The following HDAC9 variants were observed in gnomAD, a reference collection of about 807,000 sequenced individuals.
HDAC9 encodes MEF-2 interacting transcription repressor (MITR) protein.
HDAC9 carries 41 observed loss-of-function variants against 139.4 expected under a neutral mutation model. That is an observed-to-expected ratio of 0.29 (90% CI 0.23 to 0.38). The LOEUF (loss-of-function observed/expected upper bound fraction) is 0.38, where lower values mean the gene tolerates loss of function less well. HDAC9 is among the 10% of genes least tolerant of loss of function. The pLI, the probability that HDAC9 is intolerant of heterozygous loss-of-function variation, is 1.00. For missense variants in HDAC9, 1,147 were observed against 1,297.0 expected, an observed-to-expected ratio of 0.88 and a Z score of 1.78; for synonymous variants, 517 against 476.2, an observed-to-expected ratio of 1.09 and a Z score of -1.12.
upstream of HDAC9, among the ~76,000 whole-genome samples, chr7:18,491,204 A>G (rs1172355359): frequency 6.6e-6 from 1 of 151,980 alleles, no homozygotes; most frequent in Non-Finnish European, 1.5e-5. Flanking sequence ...TTCTGAAAGA[A>G]ATAATAAAAC....
At chr7:18,945,658 A>G (rs892138346) in intron 23 of HDAC9, among the ~76,000 whole-genome samples, 2 of 152,124 alleles carry the variant, frequency 1.3e-5, no homozygotes, top group African/African-American at 2.4e-5. Context: ...TTCATCTGGC[A>G]TTGAATATGT....
intron 14 of HDAC9, among the ~76,000 whole-genome samples, chr7:18,749,351 T>G (rs1004435839): frequency 2.7e-4 from 41 of 152,356 alleles, no homozygotes; most frequent in African/African-American, 9.4e-4. Flanking sequence ...GCTGAGCAGC[T>G]GCCTGATGTG....
At chr7:18,476,674 A>C (rs1029721227) in intron 1 of HDAC9, among the ~76,000 whole-genome samples, 9 of 152,204 alleles carry the variant, frequency 5.9e-5, no homozygotes, top group Non-Finnish European at 1.2e-4. Flanking sequence ...TAATTTTAAA[A>C]GTCCAATTAA....
At chr7:18,108,978 A>G (rs1239420357) in intron 1 of HDAC9, among the ~76,000 whole-genome samples, 2 of 152,188 alleles carry the variant, frequency 1.3e-5, no homozygotes, top group African/African-American at 4.8e-5. Flanking sequence ...TTCTTAGGCC[A>G]TGTGAATTTG....
intron 6 of HDAC9, among the ~76,000 whole-genome samples, 180 bp from the exon 7 acceptor site, chr7:18,629,170 C>T (rs1362922475): frequency 6.6e-6 from 1 of 151,636 alleles, no homozygotes; most frequent in East Asian, 1.9e-4. Context: ...AAAATAATTG[C>T]AATATTTGCC....
chr7:18,696,722 C>A (rs1783078681), intron 12 of HDAC9, among the ~76,000 whole-genome samples: 1 of 152,150 alleles, frequency 6.6e-6, no homozygotes, highest in Non-Finnish European at 1.5e-5. Context: ...CCCACCTCGG[C>A]CTCCCAAAGT....
intron 22 of HDAC9, among the ~76,000 whole-genome samples, chr7:18,885,067 T>G (rs1370967111): frequency 6.6e-6 from 1 of 152,198 alleles, no homozygotes; most frequent in Admixed American, 6.5e-5. Context: ...AAGCAATACG[T>G]TGGGAATTAC....
At chr7:18,829,573 A>G (rs377260954) in intron 19 of HDAC9, 25 bp downstream of exon 19, 7 of 1,384,240 alleles carry the variant, frequency 5.1e-6, no homozygotes, top group Non-Finnish European at 7.1e-6. Context: ...CCAGAGCTGC[A>G]TTTTCAGTGA....
chr7:18,414,865 T>G (rs914202830), intron 1 of HDAC9, among the ~76,000 whole-genome samples: 2 of 152,186 alleles, frequency 1.3e-5, no homozygotes, highest in Admixed American at 6.5e-5. Context: ...TTACCTCAAC[T>G]TTTTTTCCTC....
intron 2 of HDAC9, among the ~76,000 whole-genome samples, chr7:18,542,962 A>G (rs1813499705): frequency 6.6e-6 from 1 of 152,236 alleles, no homozygotes; most frequent in South Asian, 2.1e-4. Flanking sequence ...TATTTATGTC[A>G]TGCAATATGT....
chr7:18,322,902 T>C (rs1228424485), intron 1 of HDAC9, among the ~76,000 whole-genome samples: 1 of 152,080 alleles, frequency 6.6e-6, no homozygotes, highest in Non-Finnish European at 1.5e-5. Context: ...AGGAGGATTC[T>C]GGGAAGGGCT....
chr7:18,615,717 T>G (rs1373191616), intron 6 of HDAC9, among the ~76,000 whole-genome samples: 1 of 152,158 alleles, frequency 6.6e-6, no homozygotes, highest in South Asian at 2.1e-4. Flanking sequence ...AATAATGCAT[T>G]AAAAATACAG....
At chr7:18,492,053 CCTAACATGATGCAA>C (rs1268731850), upstream of HDAC9, among the ~76,000 whole-genome samples, 1 of 151,986 alleles carries the variant, frequency 6.6e-6, no homozygotes, top group African/African-American at 2.4e-5. Flanking sequence ...GTAACAGCCG[CCTAACATGATGCAA>C]CTAACATGAT....
intron 8 of HDAC9, among the ~76,000 whole-genome samples, chr7:18,636,576 G>A (rs796149173): frequency 1.6e-4 from 25 of 152,018 alleles, no homozygotes; most frequent in African/African-American, 5.8e-4. Flanking sequence ...AGATGCTGTC[G>A]TTTGACCATT....
rs1016307206 is a variant in HDAC9, at chr7:18,335,210, A to G, written c.-42+44695A>G. Among the ~76,000 whole-genome samples, 7 of 151,630 alleles carry G rather than the reference A, an allele frequency of 4.6e-5. No individual in the cohort carries two copies. The East Asian group carries it at 1.4e-3, about 30-fold the overall frequency. On this transcript the variant is annotated intron_variant, in intron 1 of 3. Transcript: ENST00000413509. ...TAAGGAGATAAATAAAACCTTGAAA[A>G]TAGGAAGAAGTGAAAAAATGGAAAT...
intron 2 of HDAC9, among the ~76,000 whole-genome samples, chr7:18,170,680 C>G (rs566878018): frequency 6.6e-6 from 1 of 152,246 alleles, no homozygotes; most frequent in African/African-American, 2.4e-5. Context: ...GCCAGTTTTC[C>G]CAGCACCATT....
intron 1 of HDAC9, among the ~76,000 whole-genome samples, chr7:18,437,968 C>G (rs1331917147): frequency 2.0e-5 from 3 of 151,716 alleles, no homozygotes; most frequent in African/African-American, 7.3e-5. Context: ...CACACAGACA[C>G]ACACACACAT....
intron 1 of HDAC9, among the ~76,000 whole-genome samples, chr7:18,323,828 A>G (rs933667307): frequency 1.3e-5 from 2 of 152,150 alleles, no homozygotes; most frequent in East Asian, 1.9e-4. Context: ...CTTGACTTTA[A>G]CAACATACAG....
chr7:18,634,897 T>G lies in HDAC9; in HGVS notation c.912+155T>G, dbSNP rs556988423. On this transcript the variant is annotated intron_variant, in intron 8 of 25. Transcript: ENST00000686413. The stretch of plus-strand genomic sequence containing the variant: ...CATATTGTAAACCAATTGAAAAAAA[T>G]TGATATTTACTAACTAATGTAAATA... Among the ~76,000 whole-genome samples, 16 of 152,208 alleles carry G rather than the reference T, an allele frequency of 1.1e-4. No homozygotes were observed. In the East Asian group the frequency reaches 3.1e-3, roughly 29 times the overall value.
Sources: allele counts gnomAD v4.1 joint callset (sites outside exome capture counted in the v4.1 genomes callset), GRCh38; gene constraint gnomAD v4.1.1; transcripts MANE v1.5; gene names NCBI Gene and HGNC (gene_info 2026-07-23, HGNC 2026-07-21).